The following SMG1 variants were observed in gnomAD, a reference collection of about 807,000 sequenced individuals.
SMG1 encodes the protein serine/threonine-protein kinase SMG1.
Under a neutral mutation model 419.9 loss-of-function variants are expected in SMG1, and 22 were observed. That is an observed-to-expected ratio of 0.05 (90% confidence interval 0.04 to 0.07). The LOEUF is 0.07. Among genes scored for constraint, SMG1 ranks in the 10% least tolerant of loss-of-function variants. The pLI is 1.00. For missense variants in SMG1, 3,185 were observed against 4,342.0 expected (o/e 0.73, Z 7.49); for synonymous variants, 1,538 against 1,553.5 (o/e 0.99, Z 0.23).
At chr16:18,910,489 C>CA (rs1224691954) in intron 1 of SMG1, among the ~76,000 whole-genome samples, 1 of 151,868 alleles carries the variant, frequency 6.6e-6, no homozygotes, top group East Asian at 1.9e-4. Flanking sequence ...CTCGGACTCC[C>CA]AAAGTGCTGG....
At position 18,837,550 on chromosome 16, in the gene SMG1, G is replaced by A. The variant is rs548244330; in HGVS notation, c.7414-107C>T. ...TCCTACTTAAATCTCTACAAAACCC[G>A]AAAGGGGTGATGCGTTGCCTCCACT... On this transcript the variant is annotated intron_variant, in intron 45 of 62. Coordinates refer to ENST00000446231, the MANE Select transcript of SMG1 (RefSeq NM_015092.5). 77 of 937,166 alleles carry A rather than the reference G, an allele frequency of 8.2e-5. No individual in the cohort carries two copies. The Middle Eastern group carries it at 9.1e-4, about 11-fold the overall frequency. The allele number at this position is 937,166 out of a possible 1,614,324, so 58.1% of individuals were successfully genotyped here.
chr16:18,842,269 G>C lies in SMG1; in HGVS notation c.6405C>G (p.Thr2135=), dbSNP rs374323053. 6.2e-7 allele frequency: 1 copy of C among 1,613,800 alleles called. No homozygotes were observed. Among genetic ancestry groups the C allele is most frequent in the African/African-American group, 1.3e-5 (1 of 74,928 alleles). The change falls in exon 40 of 63, where the codon ACC becomes ACG. Residue 2135 remains threonine (T), a synonymous_variant. Transcript: ENST00000446231. ...CAAGAAAGAGAAGTTTCTTTGGCTT[G>C]GTTTTAGTCGGTAAGATTGTGATGG... The part of the protein sequence containing the change: ...GGTITILPTK[T]KPKKLLFLGS...
At chr16:18,907,588 G>A (rs796128863) in intron 1 of SMG1, among the ~76,000 whole-genome samples, 29 of 151,898 alleles carry the variant, frequency 1.9e-4, no homozygotes, top group African/African-American at 6.8e-4. Flanking sequence ...AGTGGCTCTC[G>A]CCTATAATCC....
chr16:18,885,714 G>A (rs1330872915), intron 6 of SMG1, 48 bp from the exon 7 acceptor site: 11 of 1,565,206 alleles, frequency 7.0e-6, no homozygotes, highest in Non-Finnish European at 8.7e-6. Flanking sequence ...AAAATAGGGA[G>A]AAAACAAGCA....
At chr16:18,910,338 C>G (rs1596648917) in intron 1 of SMG1, among the ~76,000 whole-genome samples, 1 of 151,224 alleles carries the variant, frequency 6.6e-6, no homozygotes, top group Non-Finnish European at 1.5e-5. Context: ...TCAAGCAATT[C>G]TCCTGCCTCA....
chr16:18,833,763 C>A (rs1432630734), intron 50 of SMG1, among the ~76,000 whole-genome samples: 1 of 152,222 alleles, frequency 6.6e-6, no homozygotes, highest in Non-Finnish European at 1.5e-5. Context: ...ATACCACCTC[C>A]TCCATCTCCA....
intron 55 of SMG1, among the ~76,000 whole-genome samples, chr16:18,822,395 C>T (rs1351104628): frequency 3.8e-5 from 3 of 78,458 alleles, no homozygotes; most frequent in African/African-American, 1.3e-4. Context: ...TTAGGTCTAA[C>T]ATTTAAGTCT....
intron 51 of SMG1, among the ~76,000 whole-genome samples, 160 bp from the exon 52 acceptor site, chr16:18,830,529 C>T (rs2033100422): frequency 6.6e-6 from 1 of 152,142 alleles, no homozygotes; most frequent in Non-Finnish European, 1.5e-5. Flanking sequence ...TGGCTCACGC[C>T]TGTAATCCAG....
intron 1 of SMG1, among the ~76,000 whole-genome samples, chr16:18,917,869 G>A (rs752083781): frequency 9.3e-5 from 14 of 150,722 alleles, no homozygotes; most frequent in Non-Finnish European, 1.9e-4. Flanking sequence ...GAGCCACCAC[G>A]CCCAGCCCAC....
Position 18,926,257 on chromosome 16 carries a change from G to A in SMG1, c.-216C>T. 3.7e-6 allele frequency: 2 copies of A among 537,432 alleles called. No homozygotes were observed. The highest frequency in any genetic ancestry group is 6.5e-6 in the Non-Finnish European group (2 of 308,248). The allele number at this position is 537,432 out of a possible 1,614,324, so 33.3% of individuals were successfully genotyped here. A position where few individuals can be genotyped will look rare whatever the true frequency, so the allele number is the denominator to read the frequency against. On this transcript the variant is annotated 5_prime_UTR_variant, in exon 1 of 63. Transcript: ENST00000446231. Reference sequence around the variant, plus strand: ...CGCCTGAGCCCGCAGCGCAGGACGAGGAGGCGGGAGCGGCGCGGTGAGAGA... The same window carrying A: ...CGCCTGAGCCCGCAGCGCAGGACGAAGAGGCGGGAGCGGCGCGGTGAGAGA...
chr16:18,812,407 T>C lies in SMG1; in HGVS notation c.10622-280A>G, dbSNP rs11074336. Among the ~76,000 whole-genome samples, 46,887 of 151,882 alleles carry C rather than the reference T, an allele frequency of 0.31. 7,982 individuals carry two copies. Among genetic ancestry groups the C allele is most frequent in the Non-Finnish European group, 0.39 (26,180 of 67,926 alleles). On this transcript the variant is annotated intron_variant, in intron 60 of 62. Transcript: ENST00000446231. ...GGCTCACGCCTGTAATCCCAGCACT[T>C]TGGGGAGGCTGAAGTGGGCGGATCA...
intron 38 of SMG1, 35 bp downstream of exon 38, chr16:18,847,418 C>T: frequency 6.2e-7 from 1 of 1,605,242 alleles, no homozygotes; most frequent in South Asian, 1.1e-5. Context: ...AAAGTGGCAG[C>T]TTCACTGTCT....
chr16:18,835,790 T>C, intron 48 of SMG1, 143 bp downstream of exon 48: 1 of 765,130 alleles, frequency 1.3e-6, no homozygotes, highest in Non-Finnish European at 2.1e-6. Flanking sequence ...TCCCAGCTAC[T>C]CTGGAGGCTG....
chr16:18,864,195 T>TC (rs2035368817), intron 23 of SMG1, 51 bp from the exon 24 acceptor site: 2 of 1,359,404 alleles, frequency 1.5e-6, no homozygotes, highest in Non-Finnish European at 9.7e-7. Flanking sequence ...TACTTTTTTT[T>TC]TTTTTTTTTT....
chr16:18,840,772 A>G (rs1342642401), intron 41 of SMG1, among the ~76,000 whole-genome samples: 1 of 152,252 alleles, frequency 6.6e-6, no homozygotes, highest in African/African-American at 2.4e-5. Flanking sequence ...ATTTAAAAGC[A>G]TGGTAAATCC....
chr16:18,905,069 G>A (rs1596637884), intron 1 of SMG1, among the ~76,000 whole-genome samples: 1 of 151,988 alleles, frequency 6.6e-6, no homozygotes, highest in Non-Finnish European at 1.5e-5. Flanking sequence ...AGACCAGCCT[G>A]GGCAACATAG....
In SMG1 at chr16:18,838,602, T is replaced by C; in HGVS notation, c.7033A>G (p.Met2345Val). 1 of 1,613,768 alleles carries C rather than the reference T, an allele frequency of 6.2e-7. No homozygotes were observed. Among genetic ancestry groups the C allele is most frequent in the Non-Finnish European group, 8.5e-7 (1 of 1,179,658 alleles). The change falls in exon 43 of 63, where the codon ATG (methionine) becomes GTG (valine). Residue 2345 changes from methionine to valine, a missense_variant. Physicochemically the swap from Met to Val is conservative, Grantham distance 21. Transcript: ENST00000446231. The stretch of plus-strand genomic sequence containing the variant: ...ATGTGAACAACTTCTCCAGTCGTCA[T>C]ATCTATAAGAACATTATCCAGATGT... ...DRHLDNVLID[M>V]TTGEVVHIDY...
intron 10 of SMG1, among the ~76,000 whole-genome samples, chr16:18,880,941 G>C (rs561875002): frequency 6.7e-6 from 1 of 148,356 alleles, no homozygotes; most frequent in African/African-American, 2.5e-5. Context: ...GCACTGAGTC[G>C]TGATGGCACC....
chr16:18,858,350 A>T, intron 28 of SMG1, 60 bp from the exon 29 acceptor site: 1 of 1,515,160 alleles, frequency 6.6e-7, no homozygotes, highest in Non-Finnish European at 8.8e-7. Context: ...GTTTGCAGAT[A>T]TATAGCAAGT....
Sources: gnomAD v4.1 joint callset for allele counts (sites outside exome capture counted in the v4.1 genomes callset) on GRCh38, gnomAD v4.1.1 for gene constraint, MANE v1.5 for transcripts, NCBI Gene and HGNC (gene_info 2026-07-23, HGNC 2026-07-21) for gene names.